GPHN: variants seen among roughly 807,000 people sequenced by gnomAD.
The protein encoded by GPHN is gephyrin.
GPHN carries 17 observed loss-of-function variants against 95.5 expected under a neutral mutation model. That is an observed-to-expected ratio of 0.18 (90% CI 0.12 to 0.27). GPHN has a LOEUF of 0.27. GPHN is among the 10% of genes least tolerant of loss of function. GPHN has a pLI of 1.00. For missense variants in GPHN, 660 were observed against 978.1 expected (o/e 0.67, Z 4.34); for synonymous variants, 320 against 322.5 (o/e 0.99, Z 0.08).
chr14:67,070,421 G>A (rs528375134), intron 11 of GPHN, among the ~76,000 whole-genome samples: 1 of 148,936 alleles, frequency 6.7e-6, no homozygotes, highest in South Asian at 2.1e-4. Flanking sequence ...TTACCGGCCG[G>A]GCGCGGTGGC....
At chr14:66,778,932 T>G (rs1330110856) in intron 3 of GPHN, among the ~76,000 whole-genome samples, 3 of 151,770 alleles carry the variant, frequency 2.0e-5, no homozygotes, top group East Asian at 3.9e-4. Flanking sequence ...TTAGTAGAGA[T>G]AAATTTTCTT....
At chr14:67,659,854 A>C in the GPHN span, 1 of 1,614,186 alleles carries the variant, frequency 6.2e-7, no homozygotes, top group South Asian at 1.1e-5. Context: ...GGTAGTTTCG[A>C]AGCTTAGACA....
intron 6 of GPHN, among the ~76,000 whole-genome samples, chr14:66,922,433 G>A (rs1202510029): frequency 2.0e-5 from 3 of 152,030 alleles, no homozygotes; most frequent in Non-Finnish European, 2.9e-5. Flanking sequence ...CATTTTTAAT[G>A]TTTCATATGA....
At chr14:67,572,665 C>A in the GPHN span, among the ~76,000 whole-genome samples, 1 of 152,204 alleles carries the variant, frequency 6.6e-6, no homozygotes, top group African/African-American at 2.4e-5. Flanking sequence ...CATTTGTCCT[C>A]ACAATCCTCT....
At chr14:67,619,860 G>A in the GPHN span, 1 of 693,912 alleles carries the variant, frequency 1.4e-6, no homozygotes, top group Non-Finnish European at 2.3e-6. Flanking sequence ...TGGCGGTGAC[G>A]TCACGGGGCG....
At chr14:67,248,121 T>G in the GPHN span, among the ~76,000 whole-genome samples, 1 of 152,222 alleles carries the variant, frequency 6.6e-6, no homozygotes, top group African/African-American at 2.4e-5. Flanking sequence ...TGAATTACAC[T>G]GATTTTTCAA....
At chr14:67,544,068 T>A in the GPHN span, among the ~76,000 whole-genome samples, 1 of 152,104 alleles carries the variant, frequency 6.6e-6, no homozygotes, top group Non-Finnish European at 1.5e-5. Flanking sequence ...GACTTCTGCA[T>A]CAAGTCAGGA....
chr14:66,576,484 CT>C (rs5809319), intron 1 of GPHN, among the ~76,000 whole-genome samples: 4 of 149,488 alleles, frequency 2.7e-5, no homozygotes, highest in Non-Finnish European at 4.5e-5. Context: ...CCTCTCTGTA[CT>C]TTTTTTTTTA....
the GPHN span, among the ~76,000 whole-genome samples, chr14:67,280,853 T>TCCTTCCTTCCCTCCTTCCC: frequency 6.7e-4 from 52 of 77,580 alleles, no homozygotes; most frequent in Admixed American, 2.2e-3. Flanking sequence ...CCTTCCTTCC[T>TCCTTCCTTCCCTCCTTCCC]TCCCTCCCTC....
At chr14:67,165,365 C>T in intron 20 of GPHN, 139 bp downstream of exon 20, 1 of 671,770 alleles carries the variant, frequency 1.5e-6, no homozygotes, top group Non-Finnish European at 2.7e-6. Context: ...AATCACTTAA[C>T]CTCTCTAGGA....
rs577638514 is a variant in GPHN at position 66,739,248 on chromosome 14, G to A, written c.144-37216G>A. ...TTTTTTTTTTTTGAGACAGAGTCTC[G>A]CTCTGTCACCCAGGCTGGAGTGCAG... On this transcript the variant is annotated intron_variant, in intron 2 of 22. Transcript: ENST00000478722. Among the ~76,000 whole-genome samples, 442 of 134,392 alleles carry A rather than the reference G, an allele frequency of 3.3e-3. 1 individual carries two copies. The highest frequency in any genetic ancestry group is 5.5e-3 in the Non-Finnish European group (359 of 65,510). 88.2% of individuals were successfully genotyped at this position (134,392 alleles called of 152,430 possible).
chr14:67,006,755 T>C (rs1471700891), intron 9 of GPHN, among the ~76,000 whole-genome samples: 1 of 152,094 alleles, frequency 6.6e-6, no homozygotes, highest in Non-Finnish European at 1.5e-5. Flanking sequence ...CTTCACAGAA[T>C]GCACTTGGGT....
At chr14:67,667,776 C>T in the GPHN span, among the ~76,000 whole-genome samples, 5 of 152,058 alleles carry the variant, frequency 3.3e-5, no homozygotes, top group African/African-American at 1.2e-4. Context: ...AACCCTGTCT[C>T]TACTAAAAAT....
At chr14:67,642,579 T>C in the GPHN span, among the ~76,000 whole-genome samples, 3 of 152,148 alleles carry the variant, frequency 2.0e-5, no homozygotes, top group Non-Finnish European at 1.5e-5. Context: ...ACAGTAAGAA[T>C]ATGTACATTC....
intron 12 of GPHN, 35 bp from the exon 13 acceptor site, chr14:67,100,821 C>T: frequency 2.8e-6 from 4 of 1,439,294 alleles, no homozygotes; most frequent in Non-Finnish European, 2.9e-6. Context: ...TAGGTCCATA[C>T]TGATGTTTGT....
the GPHN span, among the ~76,000 whole-genome samples, chr14:67,291,403 G>A: frequency 5.3e-5 from 8 of 151,648 alleles, no homozygotes; most frequent in African/African-American, 1.5e-4. Context: ...CTCCTGCCTC[G>A]CCTCCGAAGT....
the GPHN span, among the ~76,000 whole-genome samples, chr14:67,195,118 A>G: frequency 1.1e-3 from 160 of 152,358 alleles, no homozygotes; most frequent in African/African-American, 3.6e-3. Context: ...CACACTTCTC[A>G]GCTATATGCA....
At chr14:67,632,827 T>C in the GPHN span, among the ~76,000 whole-genome samples, 2 of 133,462 alleles carry the variant, frequency 1.5e-5, no homozygotes, top group African/African-American at 5.7e-5. Context: ...TTTTTTTTTT[T>C]TTTTTTTTTT....
At chr14:67,729,421 A>T in the GPHN span, 2 of 1,575,972 alleles carry the variant, frequency 1.3e-6, no homozygotes, top group South Asian at 1.1e-5. Context: ...ACCTGTGTGC[A>T]TGGGAGGTGC....
Sources: gnomAD v4.1 joint callset for allele counts (sites outside exome capture counted in the v4.1 genomes callset) on GRCh38, gnomAD v4.1.1 for gene constraint, MANE v1.5 for transcripts, NCBI Gene and HGNC (gene_info 2026-07-23, HGNC 2026-07-21) for gene names.